PCDHGA9: variants seen among roughly 807,000 people sequenced by gnomAD.
PCDHGA9 encodes the protein protocadherin gamma subfamily A, 9, also known as protocadherin gamma-A9.
A neutral mutation model predicts 62.5 loss-of-function variants in PCDHGA9; 37 were observed. The ratio of observed to expected loss-of-function variants is 0.59; its 90% CI spans 0.46 to 0.78. The LOEUF is 0.78. PCDHGA9 is among the 30% of genes least tolerant of loss of function. The pLI, the probability that PCDHGA9 is intolerant of heterozygous loss-of-function variation, is 0.00. For missense variants in PCDHGA9, 1,138 were observed against 1,166.2 expected, an observed-to-expected ratio of 0.98 and a Z score of 0.35; for synonymous variants, 459 against 484.6, an observed-to-expected ratio of 0.95 and a Z score of 0.69.
Position 141,405,049 on chromosome 5 carries a change from C to A in PCDHGA9, c.2097C>A (p.Val699=). ...TCTACCTCGTTGTGGCTGTGGCAGTCGTCTCCTGTGTCTTCCTCACCTTCG... is the reference window on the plus strand; with the variant it reads ...TCTACCTCGTTGTGGCTGTGGCAGTAGTCTCCTGTGTCTTCCTCACCTTCG... ...LTLYLVVAVA[V]VSCVFLTFVI... is the part of the protein sequence containing the mutation. Residue 699 remains valine (V), a synonymous_variant, in exon 1 of 4, where the codon GTC becomes GTA. Coordinates refer to ENST00000573521, the MANE Select transcript of PCDHGA9 (RefSeq NM_018921.3). 1.2e-6 allele frequency: 2 copies of A among 1,613,936 alleles called. No individual in the cohort carries two copies. The highest frequency in any genetic ancestry group is 2.2e-5 in the South Asian group (2 of 91,080).
At chr5:141,427,396 A>G (rs1303085720) in intron 1 of PCDHGA9, 1 of 460,578 alleles carries the variant, frequency 2.2e-6, no homozygotes, top group Non-Finnish European at 4.4e-6. Context: ...AAAACACATG[A>G]TAAAGATTCG....
chr5:141,413,699 A>T (rs2095668539), intron 1 of PCDHGA9: 2 of 1,613,762 alleles, frequency 1.2e-6, no homozygotes, highest in East Asian at 4.5e-5. Context: ...CAGAGCTATC[A>T]GCTCAGCCCC....
chr5:141,503,362 G>A (rs565902559), intron 2 of PCDHGA9, among the ~76,000 whole-genome samples: 32 of 152,054 alleles, frequency 2.1e-4, no homozygotes, highest in African/African-American at 6.5e-4. Context: ...TTTGGGAAGC[G>A]GAGGCAGGTG....
In PCDHGA9 at chr5:141,491,707, G is replaced by A. The variant is rs1337506934; in HGVS notation, c.2425-3100G>A. ...GCTGCGGGAGCGGAGCCAGGTGAGG[G>A]GCTCGGCGCCGCCCCGGGCGACCCC... On this transcript the variant is annotated intron_variant, in intron 1 of 3. Transcript: ENST00000573521. The surrounding 1 kb of genome is among the most constrained non-coding windows in gnomAD (Gnocchi z 6.9). The A allele has an allele frequency of 6.2e-6, 10 of 1,610,604 alleles. No homozygotes were observed. Among genetic ancestry groups the A allele is most frequent in the Admixed American group, 1.7e-5 (1 of 59,554 alleles).
At chr5:141,430,261 A>T (rs1236197353) in intron 1 of PCDHGA9, among the ~76,000 whole-genome samples, 1 of 152,104 alleles carries the variant, frequency 6.6e-6, no homozygotes, top group African/African-American at 2.4e-5. Context: ...CATCTCCATA[A>T]TAGGTGTGTT....
At chr5:141,415,079 C>A (rs1388248799) in intron 1 of PCDHGA9, 1 of 1,613,380 alleles carries the variant, frequency 6.2e-7, no homozygotes, top group Non-Finnish European at 8.5e-7. Context: ...ACGGCGCGAG[C>A]CCTGCTGGAC....
intron 2 of PCDHGA9, among the ~76,000 whole-genome samples, chr5:141,499,528 G>T (rs961802549): frequency 1.3e-5 from 2 of 152,142 alleles, no homozygotes; most frequent in African/African-American, 2.4e-5. Context: ...AAAGTAGAGA[G>T]AATGGTGTCA....
chr5:141,462,209 C>T (rs1158675305), intron 1 of PCDHGA9, among the ~76,000 whole-genome samples: 6 of 152,172 alleles, frequency 3.9e-5, no homozygotes, highest in Non-Finnish European at 8.8e-5. Flanking sequence ...ATCCGCCTGC[C>T]TCGGCCTCCC....
chr5:141,478,179 A>C, intron 1 of PCDHGA9: 1 of 1,613,996 alleles, frequency 6.2e-7, no homozygotes, highest in Non-Finnish European at 8.5e-7. Context: ...GAGCAGAAAA[A>C]AAATCTCACC....
intron 1 of PCDHGA9, chr5:141,418,388 T>C: frequency 6.2e-7 from 1 of 1,613,942 alleles, no homozygotes; most frequent in Non-Finnish European, 8.5e-7. Flanking sequence ...TCCTAACGAG[T>C]ATTTCTCATT....
Position 141,431,854 on chromosome 5 carries a change from A to G in PCDHGA9, c.2424+26478A>G. On this transcript the variant is annotated intron_variant, in intron 1 of 3. Coordinates refer to ENST00000573521, the MANE Select transcript of PCDHGA9 (RefSeq NM_018921.3). The surrounding 1 kb of genome is among the most constrained non-coding windows in gnomAD (Gnocchi z 4.8). Reference sequence around the variant, plus strand: ...CCGAAAACTCTCCCAGAGGGACATTAATTGCCCTTTTAAATGTAAATGACC... The same window carrying G: ...CCGAAAACTCTCCCAGAGGGACATTGATTGCCCTTTTAAATGTAAATGACC... The G allele has an allele frequency of 6.2e-7, 1 of 1,614,230 alleles. No individual in the cohort carries two copies. The highest frequency in any genetic ancestry group is 1.3e-5 in the African/African-American group (1 of 75,070).
intron 1 of PCDHGA9, among the ~76,000 whole-genome samples, chr5:141,472,863 G>A (rs2099301197): frequency 6.7e-6 from 1 of 149,994 alleles, no homozygotes. Context: ...GCACATGCCT[G>A]TATTCCCAGC....
chr5:141,443,244 G>A (rs1277982376), intron 1 of PCDHGA9, among the ~76,000 whole-genome samples: 4 of 151,542 alleles, frequency 2.6e-5, no homozygotes, highest in African/African-American at 9.7e-5. Flanking sequence ...ACTTTGGGGC[G>A]CCAAGGCGGG....
At chr5:141,421,979 G>C in intron 1 of PCDHGA9, 1 of 1,609,702 alleles carries the variant, frequency 6.2e-7, no homozygotes, top group Non-Finnish European at 8.5e-7. Flanking sequence ...TATCGCGTGA[G>C]TGTTCCAGAA....
chr5:141,492,632 C>G (rs1359761285), intron 1 of PCDHGA9, among the ~76,000 whole-genome samples: 1 of 152,256 alleles, frequency 6.6e-6, no homozygotes, highest in Non-Finnish European at 1.5e-5. Flanking sequence ...CAGGACTCTA[C>G]GATCCTTGGG....
At chr5:141,445,148 C>T (rs1051995635) in intron 1 of PCDHGA9, among the ~76,000 whole-genome samples, 3 of 152,092 alleles carry the variant, frequency 2.0e-5, no homozygotes, top group Non-Finnish European at 4.4e-5. Context: ...TCTAATTGTT[C>T]ATTTCTAGTT....
Position 141,431,633 on chromosome 5 carries a change from T to A in PCDHGA9, c.2424+26257T>A. ...TGTGGACGACAAGGCGGCCCAAGTT[T>A]TCAAACTAGATTGTAATTCAGGGAC... On this transcript the variant is annotated intron_variant, in intron 1 of 3. Coordinates refer to ENST00000573521, the MANE Select transcript of PCDHGA9 (RefSeq NM_018921.3). The surrounding 1 kb of genome is among the most constrained non-coding windows in gnomAD (Gnocchi z 4.8). 1 of 1,614,240 alleles carries A rather than the reference T, an allele frequency of 6.2e-7. No individual in the cohort carries two copies. The highest frequency in any genetic ancestry group is 8.5e-7 in the Non-Finnish European group (1 of 1,180,048).
intron 1 of PCDHGA9, among the ~76,000 whole-genome samples, chr5:141,453,673 AC>A (rs1459216908): frequency 6.6e-6 from 1 of 152,230 alleles, no homozygotes; most frequent in African/African-American, 2.4e-5. Flanking sequence ...ACAAAAGGTA[AC>A]ACACTATGTA....
rs550161736 is a variant in PCDHGA9, at chr5:141,427,826, G to T, written c.2424+22450G>T. ...GCGCACAGAGCGGGGTGGTGGTCGCGCAGCGTGCCTTCGACCACGAGCAGC... is the reference window on the plus strand; with the variant it reads ...GCGCACAGAGCGGGGTGGTGGTCGCTCAGCGTGCCTTCGACCACGAGCAGC... On this transcript the variant is annotated intron_variant, in intron 1 of 3. Coordinates refer to ENST00000573521, the MANE Select transcript of PCDHGA9 (RefSeq NM_018921.3). The T allele has an allele frequency of 2.6e-6, 4 of 1,536,502 alleles. No individual in the cohort carries two copies. The East Asian group carries it at 6.8e-5, about 26-fold the overall frequency.
Sources: allele counts gnomAD v4.1 joint callset (sites outside exome capture counted in the v4.1 genomes callset), GRCh38; gene constraint gnomAD v4.1.1; non-coding constraint Gnocchi (gnomAD v3.1); transcripts MANE v1.5; gene names NCBI Gene and HGNC (gene_info 2026-07-23, HGNC 2026-07-21).